CYB5R3: variants seen among roughly 807,000 people sequenced by gnomAD.
CYB5R3 encodes cytochrome b5 reductase 3.
CYB5R3 carries 28 observed loss-of-function variants against 36.5 expected under a neutral mutation model. That is an observed-to-expected ratio of 0.77 (90% confidence interval 0.57 to 1.05). The LOEUF (loss-of-function observed/expected upper bound fraction) is 1.05. Among genes scored for constraint, CYB5R3 ranks in the 50% least tolerant of loss-of-function variants. The pLI, the probability that CYB5R3 is intolerant of heterozygous loss-of-function variation, is 0.00. For missense variants in CYB5R3, 474 were observed against 408.9 expected, an observed-to-expected ratio of 1.16 and a Z score of -1.37; for synonymous variants, 181 against 159.8, an observed-to-expected ratio of 1.13 and a Z score of -1.00.
At chr22:42,644,491 C>T in intron 1 of CYB5R3, 2 of 1,165,246 alleles carry the variant, frequency 1.7e-6, no homozygotes, top group African/African-American at 3.0e-5. Flanking sequence ...ATGCATCCAA[C>T]CAGCAAACTC....
chr22:42,621,362 G>C (rs1161495719), intron 8 of CYB5R3, among the ~76,000 whole-genome samples: 3 of 152,134 alleles, frequency 2.0e-5, no homozygotes, highest in African/African-American at 7.2e-5. Flanking sequence ...GACTACAGGT[G>C]CATGCCACCG....
chr22:42,632,333 A>G (rs1928665613), intron 2 of CYB5R3: 2 of 152,328 alleles, frequency 1.3e-5, no homozygotes, highest in Admixed American at 1.3e-4. Context: ...CAAACGTGGC[A>G]AAGTCCACAT....
At chr22:42,643,756 CT>C (rs1266458793) in intron 1 of CYB5R3, among the ~76,000 whole-genome samples, 1 of 152,136 alleles carries the variant, frequency 6.6e-6, no homozygotes, top group Non-Finnish European at 1.5e-5. Flanking sequence ...CAGTTGGCAG[CT>C]GTGGACTTGG....
intron 5 of CYB5R3, among the ~76,000 whole-genome samples, chr22:42,627,918 T>C (rs1928377165): frequency 6.6e-6 from 1 of 152,112 alleles, no homozygotes; most frequent in Non-Finnish European, 1.5e-5. Flanking sequence ...GAAAGCCAAA[T>C]AGAGGCTGGC....
At chr22:42,638,660 T>C (rs939083809) in intron 1 of CYB5R3, among the ~76,000 whole-genome samples, 1 of 119,110 alleles carries the variant, frequency 8.4e-6, no homozygotes, top group Non-Finnish European at 1.7e-5. Flanking sequence ...AGGTTGCCTG[T>C]GGAGGAGGTT....
At chr22:42,628,364 CT>C (rs1291232407) in intron 4 of CYB5R3, 83 bp from the exon 5 acceptor site, 1 of 1,553,692 alleles carries the variant, frequency 6.4e-7, no homozygotes. Flanking sequence ...ACAAGTGCCT[CT>C]TCTGCAGCTT....
At chr22:42,623,328 G>T (rs2146867012) in intron 8 of CYB5R3, among the ~76,000 whole-genome samples, 1 of 152,334 alleles carries the variant, frequency 6.6e-6, no homozygotes, top group African/African-American at 2.4e-5. Context: ...TGGACAGGTG[G>T]AACAAGGGTA....
rs545535545 is a variant in CYB5R3, at chr22:42,618,095, G to C, written c.*1678C>G. Reference sequence around the variant, plus strand: ...CTTTCCTGAGCCTCGAGGCTCATCTGACCCTGACAGGAGGCAGCAGCCTCG... The same window carrying C: ...CTTTCCTGAGCCTCGAGGCTCATCTCACCCTGACAGGAGGCAGCAGCCTCG... On this transcript the variant is annotated 3_prime_UTR_variant, in exon 9 of 9. Transcript: ENST00000352397. The C allele has an allele frequency of 4.6e-5, 7 of 152,386 alleles. No individual in the cohort carries two copies. The highest frequency in any genetic ancestry group is 1.7e-4 in the African/African-American group (7 of 41,552). 9.4% of individuals were successfully genotyped at this position (152,386 alleles called of 1,614,324 possible). A position where few individuals can be genotyped will look rare whatever the true frequency, so the allele number is the denominator to read the frequency against.
At chr22:42,623,716 A>AC (rs1405466310) in intron 8 of CYB5R3, 73 bp downstream of exon 8, 1 of 1,340,978 alleles carries the variant, frequency 7.5e-7, no homozygotes, top group Non-Finnish European at 1.1e-6. Flanking sequence ...GCTCAACGCC[A>AC]CAAACAGCTG....
In CYB5R3 at chr22:42,618,505, C is replaced by A. The variant is rs1403343509; in HGVS notation, c.*1268G>T. ...TGAGCCGAGATCCCGCCACTGCACT[C>A]CAGCCTGGGCGACAGAGCGAGACTC... On this transcript the variant is annotated 3_prime_UTR_variant, in exon 9 of 9. Transcript: ENST00000352397. The A allele has an allele frequency of 7.3e-6, 1 of 137,786 alleles. No homozygotes were observed. The highest frequency in any genetic ancestry group is 1.5e-5 in the Non-Finnish European group (1 of 66,390). 8.5% of individuals were successfully genotyped at this position (137,786 alleles called of 1,614,324 possible). A position where few individuals can be genotyped will look rare whatever the true frequency, so the allele number is the denominator to read the frequency against.
At chr22:42,639,819 C>T in intron 1 of CYB5R3, 1 of 952,502 alleles carries the variant, frequency 1.0e-6, no homozygotes, top group East Asian at 2.7e-5. Flanking sequence ...GACCCTTGAA[C>T]ATGGGTTGGA....
At chr22:42,636,429 T>A (rs113059676) in intron 2 of CYB5R3, among the ~76,000 whole-genome samples, 1 of 152,100 alleles carries the variant, frequency 6.6e-6, no homozygotes, top group African/African-American at 2.4e-5. Context: ...TCCTACCCCA[T>A]AAATGGGGGA....
At chr22:42,620,224 G>A (rs1005772839) in intron 8 of CYB5R3, among the ~76,000 whole-genome samples, 1 of 152,176 alleles carries the variant, frequency 6.6e-6, no homozygotes, top group Non-Finnish European at 1.5e-5. Flanking sequence ...GTGTCCCTTG[G>A]AACAACCCAG....
intron 6 of CYB5R3, 94 bp downstream of exon 6, chr22:42,627,511 T>C: frequency 6.8e-7 from 1 of 1,464,122 alleles, no homozygotes; most frequent in Non-Finnish European, 9.5e-7. Context: ...TGACCTCTGG[T>C]AGCTCCCAGG....
chr22:42,631,149 C>T (rs1307045549), intron 3 of CYB5R3, 161 bp from the exon 4 acceptor site: 1 of 784,474 alleles, frequency 1.3e-6, no homozygotes, highest in Non-Finnish European at 2.1e-6. Flanking sequence ...CCCCTCACGT[C>T]CCAGCTTCCT....
In CYB5R3 at chr22:42,631,394, G is replaced by A; in HGVS notation, c.210C>T (p.Ile70=). Residue 70 remains isoleucine (I), a synonymous_variant, in exon 3 of 9, where the codon ATC becomes ATT. Coordinates refer to ENST00000352397, the MANE Select transcript of CYB5R3 (RefSeq NM_000398.7). ...GTGACTCACCGACAGGGAGGCCCAG[G>A]ATGTGCTGGGGTGACGGCAGGGCAA... ...FRFALPSPQH[I]LGLPVGQHIY... is the part of the protein sequence containing the mutation. The A allele has an allele frequency of 6.4e-7, 1 of 1,551,616 alleles. No homozygotes were observed. Among genetic ancestry groups the A allele is most frequent in the Non-Finnish European group, 8.7e-7 (1 of 1,146,952 alleles).
Position 42,619,799 on chromosome 22 carries a change from GGTGGCCCAC to G in CYB5R3, c.871_879del (p.Val291_His293del), listed in dbSNP as rs2146859537. ...CAGAAGACGAAGCAGCGCTCCGTGG[GGTGGCCCAC>G]GTGGTCCAGGTTGGGAAGGCAGGCG... is the stretch of plus-strand genomic sequence containing the variant. On this transcript the variant is annotated inframe_deletion, in exon 9 of 9. Transcript: ENST00000352397. The G allele has an allele frequency of 6.3e-7, 1 of 1,594,926 alleles. No homozygotes were observed. The highest frequency in any genetic ancestry group is 8.5e-7 in the Non-Finnish European group (1 of 1,173,164).
chr22:42,624,804 C>T (rs946981390), intron 7 of CYB5R3, among the ~76,000 whole-genome samples: 9 of 152,106 alleles, frequency 5.9e-5, no homozygotes, highest in African/African-American at 2.2e-4. Flanking sequence ...TGGGCAAGGG[C>T]GGGGTGGACT....
chr22:42,629,671 G>A (rs1928505602), intron 4 of CYB5R3, among the ~76,000 whole-genome samples: 1 of 152,210 alleles, frequency 6.6e-6, no homozygotes. Context: ...CAGTAAGGGG[G>A]CTCCAGGGGT....
Sources: gnomAD v4.1 joint callset for allele counts (sites outside exome capture counted in the v4.1 genomes callset) on GRCh38, gnomAD v4.1.1 for gene constraint, MANE v1.5 for transcripts, NCBI Gene and HGNC (gene_info 2026-07-23, HGNC 2026-07-21) for gene names.